The following ERC2 variants were observed in gnomAD, a reference collection of about 807,000 sequenced individuals.
ERC2 encodes the protein ELKS/RAB6-interacting/CAST family member 2.
In ERC2, 42 loss-of-function variants were observed where a neutral mutation model predicts 114.8. That is an observed-to-expected ratio of 0.37 (90% CI 0.29 to 0.47). The LOEUF (loss-of-function observed/expected upper bound fraction) is 0.47. Among genes scored for constraint, ERC2 ranks in the 20% least tolerant of loss-of-function variants. The pLI is 0.99. For missense variants in ERC2, 939 were observed against 1,150.7 expected (o/e 0.82, Z 2.66); for synonymous variants, 454 against 425.5 (o/e 1.07, Z -0.82).
chr3:56,275,378 T>G (rs1252864788), intron 3 of ERC2, among the ~76,000 whole-genome samples: 3 of 152,192 alleles, frequency 2.0e-5, no homozygotes, highest in Non-Finnish European at 4.4e-5. Flanking sequence ...TAATAAGGGT[T>G]GGGTATACCC....
intron 1 of ERC2, among the ~76,000 whole-genome samples, chr3:56,435,790 A>C (rs948805654): frequency 2.6e-5 from 4 of 152,228 alleles, no homozygotes; most frequent in Non-Finnish European, 4.4e-5. Flanking sequence ...TAGAAGAAAA[A>C]GAGGTAGCTC....
chr3:55,928,725 G>A (rs2065895358), intron 13 of ERC2, among the ~76,000 whole-genome samples: 1 of 152,110 alleles, frequency 6.6e-6, no homozygotes, highest in Admixed American at 6.5e-5. Flanking sequence ...TTTCTTTTAG[G>A]AGAGTCATAG....
At chr3:55,571,443 G>T (rs1008867986) in intron 17 of ERC2, among the ~76,000 whole-genome samples, 2 of 152,126 alleles carry the variant, frequency 1.3e-5, no homozygotes, top group Admixed American at 6.5e-5. Context: ...TCTTCTAGGG[G>T]TCTCACACTC....
chr3:56,261,297 T>A (rs144469975), intron 3 of ERC2, among the ~76,000 whole-genome samples: 3 of 152,216 alleles, frequency 2.0e-5, no homozygotes, highest in Non-Finnish European at 4.4e-5. Context: ...TATTTAATAA[T>A]TGAGATTATT....
intron 16 of ERC2, among the ~76,000 whole-genome samples, chr3:55,689,759 C>T (rs576958405): frequency 1.3e-5 from 2 of 149,942 alleles, no homozygotes; most frequent in African/African-American, 4.9e-5. Context: ...CGCCATTGCA[C>T]TCACTCCAGC....
intron 13 of ERC2, among the ~76,000 whole-genome samples, chr3:55,911,223 A>G (rs1049823981): frequency 2.0e-5 from 3 of 152,218 alleles, no homozygotes; most frequent in Non-Finnish European, 2.9e-5. Flanking sequence ...ACGTGGCCCA[A>G]TGGGAAATAA....
intron 3 of ERC2, among the ~76,000 whole-genome samples, chr3:56,290,003 A>G (rs909923426): frequency 6.6e-6 from 1 of 152,218 alleles, no homozygotes; most frequent in East Asian, 1.9e-4. Flanking sequence ...GATAATTATG[A>G]GCTGTTCCTC....
chr3:56,176,268 TGAG>T (rs1293104370), intron 3 of ERC2, among the ~76,000 whole-genome samples: 1 of 152,032 alleles, frequency 6.6e-6, no homozygotes, highest in Non-Finnish European at 1.5e-5. Flanking sequence ...AATTATAACT[TGAG>T]GAGAGAGGTT....
At chr3:56,259,676 TATG>T (rs2052780996) in intron 3 of ERC2, among the ~76,000 whole-genome samples, 1 of 151,890 alleles carries the variant, frequency 6.6e-6, no homozygotes, top group African/African-American at 2.4e-5. Flanking sequence ...TATGATATGA[TATG>T]ATATGATATG....
At chr3:56,433,124 G>A (rs779263122) in intron 2 of ERC2, among the ~76,000 whole-genome samples, 4 of 150,862 alleles carry the variant, frequency 2.7e-5, no homozygotes, top group Non-Finnish European at 4.4e-5. Context: ...GCTGCAGTGA[G>A]CTATGATCAA....
chr3:55,580,864 T>C (rs982068908), intron 17 of ERC2, among the ~76,000 whole-genome samples: 3 of 152,150 alleles, frequency 2.0e-5, no homozygotes, highest in Non-Finnish European at 2.9e-5. Context: ...TTCTAGATGA[T>C]GATAAAGGTC....
intron 17 of ERC2, among the ~76,000 whole-genome samples, chr3:55,647,430 G>A (rs1413703549): frequency 2.0e-5 from 3 of 152,120 alleles, no homozygotes; most frequent in Non-Finnish European, 4.4e-5. Context: ...ACACACAGGC[G>A]CACCCACAAA....
intron 7 of ERC2, among the ~76,000 whole-genome samples, chr3:56,025,623 T>C (rs61532273): frequency 0.34 from 51,568 of 151,958 alleles, 9,541 homozygotes; most frequent in East Asian, 0.55. Flanking sequence ...ATCTCTGACT[T>C]CCCTGTCTCT....
At chr3:56,452,940 T>A (rs1193998959) in intron 1 of ERC2, among the ~76,000 whole-genome samples, 1 of 152,224 alleles carries the variant, frequency 6.6e-6, no homozygotes, top group African/African-American at 2.4e-5. Flanking sequence ...ATTGTGTTGT[T>A]TTCTTACATT....
intron 1 of ERC2, among the ~76,000 whole-genome samples, chr3:56,442,098 T>G (rs2062341455): frequency 6.6e-6 from 1 of 152,196 alleles, no homozygotes; most frequent in Admixed American, 6.5e-5. Context: ...CCTTCACAGC[T>G]TCTACTCTAC....
intron 14 of ERC2, among the ~76,000 whole-genome samples, chr3:55,791,280 A>G (rs1473399099): frequency 2.0e-5 from 3 of 152,232 alleles, no homozygotes; most frequent in Non-Finnish European, 1.5e-5. Flanking sequence ...ATTCCAAAAA[A>G]GAAAACAGAA....
intron 5 of ERC2, among the ~76,000 whole-genome samples, chr3:56,142,511 C>T (rs988255297): frequency 2.0e-5 from 3 of 151,826 alleles, no homozygotes; most frequent in Admixed American, 6.6e-5. Context: ...TTTTCTTTTC[C>T]TAACTTTTTA....
At position 55,946,900 on chromosome 3, in the gene ERC2, C is replaced by T. The variant is rs2125242; in HGVS notation, c.2403+3525G>A. Among the ~76,000 whole-genome samples the T allele has an allele frequency of 4.9e-3, 742 of 152,290 alleles. 2 individuals carry two copies. Among genetic ancestry groups the T allele is most frequent in the Middle Eastern group, 0.01 (3 of 294 alleles). ...ACAAAATTGGGACTCAGAACAAATA[C>T]TAAACTGCCACCTCTTTCCAATGAG... On this transcript the variant is annotated intron_variant, in intron 13 of 17. Transcript: ENST00000288221.
At chr3:56,214,737 C>G (rs1053369007) in intron 3 of ERC2, among the ~76,000 whole-genome samples, 5 of 152,044 alleles carry the variant, frequency 3.3e-5, no homozygotes, top group African/African-American at 1.2e-4. Context: ...TAAGGGCAGC[C>G]AGAGAGAAAG....
Sources: gnomAD v4.1 joint callset for allele counts (sites outside exome capture counted in the v4.1 genomes callset) on GRCh38, gnomAD v4.1.1 for gene constraint, MANE v1.5 for transcripts, NCBI Gene and HGNC (gene_info 2026-07-23, HGNC 2026-07-21) for gene names.